Variants in ISY1 observed in about 807,000 individuals in gnomAD.
The protein encoded by ISY1 is ISY1 spliceosome associated protein, also known as pre-mRNA-splicing factor ISY1 homolog.
Under a neutral mutation model 54.4 loss-of-function variants are expected in ISY1, and 12 were observed. That is an observed-to-expected ratio of 0.22 (90% CI 0.14 to 0.36). The LOEUF (loss-of-function observed/expected upper bound fraction) is 0.36, where lower values mean the gene tolerates loss of function less well. Ranked by LOEUF, ISY1 falls within the 10% of genes least tolerant of loss-of-function variation. The probability of loss-of-function intolerance (pLI) is 1.00; values close to 1 mark genes in which losing one functional copy is unlikely to be tolerated. For missense variants in ISY1, 282 were observed against 342.2 expected (o/e 0.82, Z 1.39); for synonymous variants, 96 against 117.9 (o/e 0.81, Z 1.20).
intron 7 of ISY1, 37 bp from the exon 8 acceptor site, chr3:129,134,991 A>G: frequency 6.3e-7 from 1 of 1,579,584 alleles, no homozygotes; most frequent in South Asian, 1.1e-5. Context: ...TTTCCAAGTC[A>G]TAATCACACT....
rs370166122 is a variant in ISY1 at position 129,138,506 on chromosome 3, T to C, written c.418+1862A>G. On this transcript the variant is annotated intron_variant, in intron 7 of 10. Transcript: ENST00000393295. Reference sequence around the variant, plus strand: ...AAAAAAAAATAAAATTAGCTGGGCATGGTGGCAGATGCCTGTAGTCCCAGC... The same window carrying C: ...AAAAAAAAATAAAATTAGCTGGGCACGGTGGCAGATGCCTGTAGTCCCAGC... 4.9e-3 allele frequency among the ~76,000 whole-genome samples: 741 copies of C among 151,840 alleles called. 3 individuals carry two copies. The Middle Eastern group carries it at 0.058, about 12-fold the overall frequency.
chr3:129,153,099 TCCTGGGTTA>T (rs1252455174), intron 5 of ISY1, among the ~76,000 whole-genome samples: 1 of 149,980 alleles, frequency 6.7e-6, no homozygotes, highest in Non-Finnish European at 1.5e-5. Context: ...AACCTCTGCC[TCCTGGGTTA>T]AAGTGATTCT....
chr3:129,151,163 AT>A, intron 5 of ISY1, among the ~76,000 whole-genome samples: 1 of 147,512 alleles, frequency 6.8e-6, no homozygotes, highest in South Asian at 2.1e-4. Flanking sequence ...AAATATATAA[AT>A]ATATAAAAAT....
intron 6 of ISY1, chr3:129,144,198 G>A (rs1338937590): frequency 1.9e-5 from 8 of 422,412 alleles, no homozygotes; most frequent in Admixed American, 2.6e-5. Context: ...TACTAAAATC[G>A]GAATGATACA....
chr3:129,149,296 A>G (rs1446408998), intron 5 of ISY1, among the ~76,000 whole-genome samples: 1 of 151,236 alleles, frequency 6.6e-6, no homozygotes, highest in Non-Finnish European at 1.5e-5. Flanking sequence ...GGGTATGGTG[A>G]CACATGCATG....
At position 129,128,566 on chromosome 3, in the gene ISY1, C is replaced by T. The variant is rs1936152690; in HGVS notation, c.*1515G>A. On this transcript the variant is annotated 3_prime_UTR_variant, in exon 11 of 11. Transcript: ENST00000393295. ...GACCTTTTCCACAGTCCTTGTGGCC[C>T]TCGGGCTCCTTAGAGAGGGCCCAGC... 6.6e-6 allele frequency: 1 copy of T among 152,558 alleles called. No homozygotes were observed. Among genetic ancestry groups the T allele is most frequent in the Admixed American group, 6.5e-5 (1 of 15,282 alleles). The allele number at this position is 152,558 out of a possible 1,614,324, so 9.5% of individuals were successfully genotyped here.
chr3:129,136,553 G>C (rs1296043006), intron 7 of ISY1, among the ~76,000 whole-genome samples: 1 of 151,878 alleles, frequency 6.6e-6, no homozygotes, highest in Non-Finnish European at 1.5e-5. Context: ...GCTCAGGCTG[G>C]AGTGCAATGG....
At chr3:129,138,172 G>A (rs1330118690) in intron 7 of ISY1, among the ~76,000 whole-genome samples, 1 of 151,024 alleles carries the variant, frequency 6.6e-6, no homozygotes, top group Non-Finnish European at 1.5e-5. Context: ...CAGCTACTCA[G>A]GAGCCTGAGG....
intron 8 of ISY1, 68 bp downstream of exon 8, chr3:129,134,764 C>T: frequency 2.0e-6 from 3 of 1,517,452 alleles, no homozygotes; most frequent in Admixed American, 2.0e-5. Flanking sequence ...TATTGAAAAT[C>T]CTGTTTTCAA....
At chr3:129,155,600 C>A (rs1363787858) in intron 5 of ISY1, among the ~76,000 whole-genome samples, 2 of 152,058 alleles carry the variant, frequency 1.3e-5, no homozygotes, top group Non-Finnish European at 2.9e-5. Flanking sequence ...CTTCTAATTT[C>A]TTTGCTGTTT....
rs773414225 is a variant in ISY1 at position 129,129,991 on chromosome 3, G to A, written c.*90C>T. 90 of 979,412 alleles carry A rather than the reference G, an allele frequency of 9.2e-5. No homozygotes were observed. Among genetic ancestry groups the A allele is most frequent in the Admixed American group, 1.6e-4 (6 of 36,858 alleles). The allele number at this position is 979,412 out of a possible 1,614,324, so 60.7% of individuals were successfully genotyped here. A position where few individuals can be genotyped will look rare whatever the true frequency, so the allele number is the denominator to read the frequency against. On this transcript the variant is annotated 3_prime_UTR_variant, in exon 11 of 11. Transcript: ENST00000393295. ...AAGGAAGGCTGAGAATGGGGCAGGA[G>A]CCCTTGCAGCACCAGCCTGTGTCTG... is the stretch of plus-strand genomic sequence containing the variant.
rs551927057 is a variant in ISY1, at chr3:129,160,921, C to G, written c.3+52G>C. 8 of 647,260 alleles carry G rather than the reference C, an allele frequency of 1.2e-5. No homozygotes were observed. In the African/African-American group the frequency reaches 1.5e-4, roughly 12 times the overall value. 40.1% of individuals were successfully genotyped at this position (647,260 alleles called of 1,614,324 possible). On this transcript the variant is annotated intron_variant, in intron 1 of 10. Transcript: ENST00000393295. ...GAGCGCCCCAGGTGGACTGGGCGCC[C>G]CCCCGCCCGCCCGCCCATCCACTCG...
At chr3:129,133,946 C>T in intron 9 of ISY1, 128 bp downstream of exon 9, 1 of 1,490,934 alleles carries the variant, frequency 6.7e-7, no homozygotes, top group South Asian at 1.3e-5. Context: ...GTTTTCACAG[C>T]CATCCTGCAG....
intron 6 of ISY1, 104 bp from the exon 7 acceptor site, chr3:129,140,589 T>A: frequency 1.6e-6 from 2 of 1,258,626 alleles, no homozygotes; most frequent in Admixed American, 2.4e-5. Flanking sequence ...CCCATTTATT[T>A]ATTTGAGGTG....
intron 9 of ISY1, among the ~76,000 whole-genome samples, chr3:129,132,523 C>T (rs548401171): frequency 2.0e-5 from 3 of 152,304 alleles, no homozygotes; most frequent in African/African-American, 7.2e-5. Context: ...TGGGAGCCCT[C>T]TCTCATCTCC....
At chr3:129,144,252 A>G in intron 6 of ISY1, 1 of 345,330 alleles carries the variant, frequency 2.9e-6, no homozygotes, top group Non-Finnish European at 5.8e-6. Context: ...AAAATAAAAT[A>G]AATGAAAAGA....
chr3:129,160,504 T>C (rs1576897460), intron 1 of ISY1, among the ~76,000 whole-genome samples: 1 of 151,940 alleles, frequency 6.6e-6, no homozygotes, highest in Non-Finnish European at 1.5e-5. Flanking sequence ...AACGACTCTG[T>C]GTCAGACATT....
At chr3:129,160,918 G>GCCCCCACCCC in intron 1 of ISY1, 55 bp downstream of exon 1, 2 of 666,120 alleles carry the variant, frequency 3.0e-6, no homozygotes, top group Non-Finnish European at 2.7e-6. Context: ...TGGACTGGGC[G>GCCCCCACCCC]CCCCCCCGCC....
intron 7 of ISY1, among the ~76,000 whole-genome samples, chr3:129,135,383 C>G (rs1168237664): frequency 2.0e-5 from 3 of 152,046 alleles, no homozygotes; most frequent in East Asian, 1.9e-4. Flanking sequence ...CTTTTCTATA[C>G]TATTCATGGA....
Sources: allele counts gnomAD v4.1 joint callset (sites outside exome capture counted in the v4.1 genomes callset), GRCh38; gene constraint gnomAD v4.1.1; transcripts MANE v1.5; gene names NCBI Gene and HGNC (gene_info 2026-07-23, HGNC 2026-07-21).